Variants in SPMIP8 observed in about 807,000 individuals in gnomAD.
The protein encoded by SPMIP8 is testicular tissue protein Li 196.
At chr16:57,976,721 G>A in the SPMIP8 span, 3 of 1,525,676 alleles carry the variant, frequency 2.0e-6, no homozygotes, top group Non-Finnish European at 2.7e-6. Context: ...CATCCCCTAA[G>A]GCAGCTTCCC....
At chr16:57,981,422 T>TATA in the SPMIP8 span, among the ~76,000 whole-genome samples, 1 of 142,340 alleles carries the variant, frequency 7.0e-6, no homozygotes, top group African/African-American at 2.6e-5. Context: ...TAATTATTAT[T>TATA]ATTATTATTA....
the SPMIP8 span, chr16:57,986,553 TTCC>T: frequency 6.6e-6 from 1 of 151,942 alleles, no homozygotes; most frequent in South Asian, 2.1e-4. Flanking sequence ...TAGATGGCCC[TTCC>T]TCCTCTGCCT....
At chr16:57,982,993 G>C in the SPMIP8 span, among the ~76,000 whole-genome samples, 1 of 152,112 alleles carries the variant, frequency 6.6e-6, no homozygotes, top group Non-Finnish European at 1.5e-5. Flanking sequence ...CCGCGCCACT[G>C]TACTCCAGCC....
the SPMIP8 span, among the ~76,000 whole-genome samples, chr16:57,982,004 A>G: frequency 6.6e-6 from 1 of 152,170 alleles, no homozygotes; most frequent in East Asian, 1.9e-4. Context: ...TTTTATTTTT[A>G]GTTTACATGA....
chr16:57,980,713 T>C, the SPMIP8 span, among the ~76,000 whole-genome samples: 1 of 152,224 alleles, frequency 6.6e-6, no homozygotes, highest in African/African-American at 2.4e-5. Flanking sequence ...TTTGTTTTTT[T>C]AGACAGAGTT....
chr16:57,978,447 T>G, the SPMIP8 span, among the ~76,000 whole-genome samples: 1 of 151,262 alleles, frequency 6.6e-6, no homozygotes. Flanking sequence ...GGCTGAGGCA[T>G]GAGAATTGCT....
the SPMIP8 span, chr16:57,984,887 G>C: frequency 7.7e-5 from 114 of 1,475,576 alleles, no homozygotes; most frequent in Middle Eastern, 4.4e-4. Flanking sequence ...GACTGCGGAC[G>C]GGAACGCAGG....
the SPMIP8 span, chr16:57,984,761 C>G: frequency 3.7e-6 from 6 of 1,608,272 alleles, no homozygotes; most frequent in Non-Finnish European, 5.1e-6. Flanking sequence ...ACTGGTCCCA[C>G]TTCGTGTCCT....
chr16:57,982,594 G>A, the SPMIP8 span, among the ~76,000 whole-genome samples: 1 of 152,340 alleles, frequency 6.6e-6, no homozygotes. Context: ...GACAGATGCC[G>A]TGTTTGCCAT....
the SPMIP8 span, chr16:57,985,346 AG>A: frequency 5.0e-5 from 77 of 1,554,724 alleles, no homozygotes; most frequent in Non-Finnish European, 6.4e-5. Flanking sequence ...CCGGGGGTTG[AG>A]GGGGGAGGAG....
the SPMIP8 span, among the ~76,000 whole-genome samples, chr16:57,982,755 C>T: frequency 6.6e-6 from 1 of 152,194 alleles, no homozygotes; most frequent in Non-Finnish European, 1.5e-5. Flanking sequence ...GTAGGCCGGG[C>T]GCAGTGGCTC....
the SPMIP8 span, chr16:57,985,575 C>T: frequency 6.4e-7 from 1 of 1,570,736 alleles, no homozygotes; most frequent in Admixed American, 1.8e-5. Context: ...CCGGGGACCC[C>T]ATATCTGGAG....
chr16:57,986,695 G>C, the SPMIP8 span: 1 of 152,266 alleles, frequency 6.6e-6, no homozygotes, highest in African/African-American at 2.4e-5. Flanking sequence ...CCGGGTTCAA[G>C]CAATTCTCCT....
At chr16:57,984,578 G>A in the SPMIP8 span, 1 of 1,499,362 alleles carries the variant, frequency 6.7e-7, no homozygotes, top group Admixed American at 2.4e-5. Flanking sequence ...GACTGGGATG[G>A]CTTCCCTAGG....
chr16:57,985,669 A>G, the SPMIP8 span: 5 of 1,359,454 alleles, frequency 3.7e-6, no homozygotes, highest in East Asian at 2.5e-5. Flanking sequence ...ATTGGCTCCA[A>G]TACACCAGAA....
chr16:57,977,933 G>T, the SPMIP8 span: 1 of 1,614,160 alleles, frequency 6.2e-7, no homozygotes, highest in African/African-American at 1.3e-5. Context: ...GCGTGAAGCA[G>T]CAGCTCTACC....
chr16:57,985,953 G>C, the SPMIP8 span: 1 of 1,607,686 alleles, frequency 6.2e-7, no homozygotes. Flanking sequence ...TAGGGGAACG[G>C]TCCTGTCCCG....
chr16:57,987,418 T>G, the SPMIP8 span: 1 of 1,596,426 alleles, frequency 6.3e-7, no homozygotes, highest in Non-Finnish European at 8.5e-7. Flanking sequence ...CCTGACCCCC[T>G]GGCATTAATC....
At chr16:57,978,859 C>T in the SPMIP8 span, among the ~76,000 whole-genome samples, 1 of 152,160 alleles carries the variant, frequency 6.6e-6, no homozygotes, top group South Asian at 2.1e-4. Context: ...TCAAACGATC[C>T]TCCTGCCTTG....
Sources: allele counts gnomAD v4.1 joint callset (sites outside exome capture counted in the v4.1 genomes callset), GRCh38; gene constraint gnomAD v4.1.1; transcripts MANE v1.5; gene names NCBI Gene and HGNC (gene_info 2026-07-23, HGNC 2026-07-21).